The following FER variants were observed in gnomAD, a reference collection of about 807,000 sequenced individuals.
FER encodes the protein tyrosine-protein kinase Fer.
FER carries 63 observed loss-of-function variants against 111.0 expected under a neutral mutation model. The observed-to-expected ratio is 0.57, with a 90% CI of 0.46 to 0.70. The LOEUF (loss-of-function observed/expected upper bound fraction) is 0.70, where lower values mean the gene tolerates loss of function less well. Ranked by LOEUF, FER falls within the 30% of genes least tolerant of loss-of-function variation. The pLI, the probability that FER is intolerant of heterozygous loss-of-function variation, is 0.00. For missense variants in FER, 914 were observed against 954.0 expected (o/e 0.96, Z 0.55); for synonymous variants, 327 against 313.9 (o/e 1.04, Z -0.44).
chr5:109,101,601 G>A (rs1748244910), intron 17 of FER, among the ~76,000 whole-genome samples: 1 of 151,930 alleles, frequency 6.6e-6, no homozygotes, highest in Non-Finnish European at 1.5e-5. Context: ...TTCAACAATT[G>A]CATATATTTT....
chr5:108,794,524 G>GCCCCCCCCCCCCCCCCCCCCCCCC (rs1415651696), intron 2 of FER, among the ~76,000 whole-genome samples: 2 of 53,702 alleles, frequency 3.7e-5, no homozygotes, highest in Non-Finnish European at 7.4e-5. Flanking sequence ...TGCCCCCTCC[G>GCCCCCCCCCCCCCCCCCCCCCCCC]CACCCCCCCC....
chr5:109,174,894 G>T (rs1328424210), intron 17 of FER, among the ~76,000 whole-genome samples: 1 of 152,108 alleles, frequency 6.6e-6, no homozygotes, highest in African/African-American at 2.4e-5. Flanking sequence ...TGCGCTGCTG[G>T]GATTCAATTT....
intron 13 of FER, among the ~76,000 whole-genome samples, chr5:108,983,005 A>C (rs1762171374): frequency 6.6e-6 from 1 of 152,020 alleles, no homozygotes; most frequent in South Asian, 2.1e-4. Context: ...TACTAATACC[A>C]CTACACAGTA....
rs574380991 is a variant in FER at position 108,904,279 on chromosome 5, A to G, written c.1236+6431A>G. 4.6e-5 allele frequency among the ~76,000 whole-genome samples: 7 copies of G among 152,308 alleles called. No homozygotes were observed. In the East Asian group the frequency reaches 1.4e-3, roughly 29 times the overall value. On this transcript the variant is annotated intron_variant, in intron 10 of 19. Transcript: ENST00000281092. ...GTGGTAAATTCTTTTGAAAAAAAGC[A>G]AGATTGGGGGCAATAAGGCAATGAG...
chr5:108,797,669 C>T (rs985568502), intron 2 of FER, among the ~76,000 whole-genome samples: 13 of 152,204 alleles, frequency 8.5e-5, no homozygotes, highest in African/African-American at 2.9e-4. Flanking sequence ...GTACCTCTTT[C>T]AGCGATAGGA....
At chr5:108,902,088 G>A (rs1045021384) in intron 10 of FER, among the ~76,000 whole-genome samples, 2 of 152,096 alleles carry the variant, frequency 1.3e-5, no homozygotes, top group Admixed American at 1.3e-4. Context: ...GGATAACATT[G>A]GAAAGATTAG....
At chr5:109,166,343 A>G (rs912331758) in intron 17 of FER, among the ~76,000 whole-genome samples, 19 of 152,026 alleles carry the variant, frequency 1.2e-4, no homozygotes, top group Admixed American at 3.3e-4. Context: ...CCAAGACAGA[A>G]GACATTATTA....
At chr5:108,899,830 C>T (rs1749750717) in intron 10 of FER, among the ~76,000 whole-genome samples, 1 of 151,566 alleles carries the variant, frequency 6.6e-6, no homozygotes, top group Admixed American at 6.6e-5. Context: ...TTCTGATCAT[C>T]TGGAGTTTAA....
chr5:108,961,760 C>G (rs73209370), intron 13 of FER, among the ~76,000 whole-genome samples: 21,472 of 152,070 alleles, frequency 0.14, 1,957 homozygotes, highest in African/African-American at 0.26. Flanking sequence ...ACTATGAGTA[C>G]ATAACAAATT....
At chr5:108,893,034 T>C (rs1445368038) in intron 9 of FER, among the ~76,000 whole-genome samples, 1 of 152,218 alleles carries the variant, frequency 6.6e-6, no homozygotes, top group Non-Finnish European at 1.5e-5. Context: ...TACATCTCTG[T>C]TTTGGTACCA....
chr5:108,748,452 A>G (rs1750029627), intron 1 of FER: 1 of 152,248 alleles, frequency 6.6e-6, no homozygotes, highest in African/African-American at 2.4e-5. Flanking sequence ...TCAGCTTATC[A>G]TCGCCGGTCC....
chr5:108,895,479 C>T (rs1023963578), intron 9 of FER, among the ~76,000 whole-genome samples: 4 of 152,108 alleles, frequency 2.6e-5, no homozygotes, highest in Non-Finnish European at 5.9e-5. Flanking sequence ...AATTTGCTTC[C>T]TTTGCCTTTT....
At chr5:109,179,831 G>C (rs955975437) in intron 17 of FER, among the ~76,000 whole-genome samples, 1 of 152,220 alleles carries the variant, frequency 6.6e-6, no homozygotes, top group East Asian at 1.9e-4. Context: ...GGTATCTGAG[G>C]GGGGGTCCTG....
At chr5:108,918,509 T>C (rs1752564983) in intron 10 of FER, among the ~76,000 whole-genome samples, 1 of 150,596 alleles carries the variant, frequency 6.6e-6, no homozygotes. Flanking sequence ...TTTTTTGAGA[T>C]GGAGTCTCGC....
intron 4 of FER, among the ~76,000 whole-genome samples, chr5:108,834,014 A>T (rs1377915281): frequency 6.6e-6 from 1 of 152,226 alleles, no homozygotes; most frequent in African/African-American, 2.4e-5. Context: ...CAGGATCCAA[A>T]TACCATCTAT....
chr5:109,183,248 G>GTTTTTTTTTTTTTT (rs10682212), intron 18 of FER, among the ~76,000 whole-genome samples: 1 of 115,670 alleles, frequency 8.6e-6, no homozygotes, highest in African/African-American at 3.4e-5. Flanking sequence ...ATCCTAGCGT[G>GTTTTTTTTTTTTTT]TTTTTTTTTT....
intron 16 of FER, among the ~76,000 whole-genome samples, chr5:109,082,576 C>T (rs1028227994): frequency 1.3e-5 from 2 of 151,922 alleles, no homozygotes; most frequent in Non-Finnish European, 2.9e-5. Context: ...ATTAAACATA[C>T]GAAAGACAAA....
intron 13 of FER, among the ~76,000 whole-genome samples, chr5:108,960,753 A>G (rs1363120351): frequency 1.3e-5 from 2 of 152,078 alleles, no homozygotes; most frequent in Non-Finnish European, 2.9e-5. Context: ...TTCCACCTCA[A>G]ACTGTGCTTA....
intron 17 of FER, among the ~76,000 whole-genome samples, chr5:109,158,351 T>C (rs1264208340): frequency 6.6e-6 from 1 of 151,998 alleles, no homozygotes; most frequent in African/African-American, 2.4e-5. Flanking sequence ...TGCAGTGAGC[T>C]CTAATCAGAA....
Sources: allele counts gnomAD v4.1 joint callset (sites outside exome capture counted in the v4.1 genomes callset), GRCh38; gene constraint gnomAD v4.1.1; transcripts MANE v1.5; gene names NCBI Gene and HGNC (gene_info 2026-07-23, HGNC 2026-07-21).